JMJD1C: variants seen among roughly 807,000 people sequenced by gnomAD.
JMJD1C encodes jumonji domain-containing protein 1C.
JMJD1C carries 31 observed loss-of-function variants against 245.3 expected under a neutral mutation model. The ratio of observed to expected loss-of-function variants is 0.13; its 90% CI spans 0.09 to 0.17. The LOEUF (loss-of-function observed/expected upper bound fraction) is 0.17. Ranked by LOEUF, JMJD1C falls within the 10% of genes least tolerant of loss-of-function variation. The probability of loss-of-function intolerance (pLI) is 1.00; values close to 1 mark genes in which losing one functional copy is unlikely to be tolerated. For synonymous variants in JMJD1C, 1,057 were observed against 1,017.4 expected, an observed-to-expected ratio of 1.04 and a Z score of -0.74; for missense variants, 2,691 against 3,000.2, an observed-to-expected ratio of 0.90 and a Z score of 2.41.
At chr10:63,294,685 T>C (rs1488501153) in intron 2 of JMJD1C, among the ~76,000 whole-genome samples, 6 of 152,216 alleles carry the variant, frequency 3.9e-5, no homozygotes, top group African/African-American at 1.4e-4. Context: ...TACCCACTGC[T>C]ATCTGTTTGG....
chr10:63,440,123 T>C (rs974733964), intron 1 of JMJD1C, among the ~76,000 whole-genome samples: 1 of 151,952 alleles, frequency 6.6e-6, no homozygotes, highest in Non-Finnish European at 1.5e-5. Context: ...TCACCTGAGG[T>C]GAAGAGTTTG....
In JMJD1C at chr10:63,215,375, G is replaced by A; in HGVS notation, c.903C>T (p.His301=). Reference sequence around the variant, plus strand: ...GGATACTTCTTTGTTGCTGTTGCTGGTGTGTATTCTGTTTTGGTACAGCAG... The same window carrying A: ...GGATACTTCTTTGTTGCTGTTGCTGATGTGTATTCTGTTTTGGTACAGCAG... The part of the protein sequence containing the change: ...SQAAVPKQNT[H]QQQQQRSIRP... The change falls in exon 7 of 26, where the codon CAC becomes CAT. Residue 301 remains histidine, a synonymous_variant. Transcript: ENST00000399262. 2 of 1,613,954 alleles carry A rather than the reference G, an allele frequency of 1.2e-6. No homozygotes were observed. The highest frequency in any genetic ancestry group is 1.7e-6 in the Non-Finnish European group (2 of 1,179,992).
chr10:63,400,866 C>A (rs996946709), intron 1 of JMJD1C, among the ~76,000 whole-genome samples: 12 of 151,842 alleles, frequency 7.9e-5, no homozygotes, highest in African/African-American at 2.9e-4. Flanking sequence ...GCCACCACAT[C>A]CAGCCCTTTT....
intron 2 of JMJD1C, among the ~76,000 whole-genome samples, chr10:63,296,026 T>TTTC (rs1491140598): frequency 2.2e-5 from 3 of 133,416 alleles, no homozygotes; most frequent in African/African-American, 8.3e-5. Flanking sequence ...TTTTTTTTTT[T>TTTC]CTTAGATGGA....
chr10:63,330,466 AT>A lies in JMJD1C; in HGVS notation c.333+49851del, dbSNP rs1257935519. On this transcript the variant is annotated intron_variant, in intron 2 of 25. Coordinates refer to ENST00000399262, the MANE Select transcript of JMJD1C (RefSeq NM_032776.3). The stretch of plus-strand genomic sequence containing the variant: ...TTCTAAAAAAATGAAAGTATTATAT[AT>A]TCATGATTTTAAATTTTATTAGAAT... 9.2e-5 allele frequency among the ~76,000 whole-genome samples: 14 copies of A among 152,298 alleles called. No individual in the cohort carries two copies. In the East Asian group the frequency reaches 2.3e-3, roughly 25 times the overall value.
chr10:63,276,944 G>A (rs763023624), intron 2 of JMJD1C, among the ~76,000 whole-genome samples: 2 of 125,138 alleles, frequency 1.6e-5, no homozygotes, highest in African/African-American at 6.3e-5. Context: ...GAGTGCAGTG[G>A]CAAGATCTCG....
At chr10:63,361,326 G>C (rs1172846926) in intron 2 of JMJD1C, among the ~76,000 whole-genome samples, 1 of 152,142 alleles carries the variant, frequency 6.6e-6, no homozygotes, top group Non-Finnish European at 1.5e-5. Flanking sequence ...GGGAGGCTGA[G>C]GCAGAAGAAT....
rs112658422 is a variant in JMJD1C, at chr10:63,482,457, G to A, written n.113+39281C>T. 7.2e-3 allele frequency among the ~76,000 whole-genome samples: 1,100 copies of A among 152,130 alleles called. 11 individuals carry two copies. Among genetic ancestry groups the A allele is most frequent in the African/African-American group, 0.025 (1,019 of 41,484 alleles). On this transcript the variant is annotated intron_variant and non_coding_transcript_variant, in intron 1 of 3. Coordinates refer to the JMJD1C transcript ENST00000633035. ...TCAAGACCAGCCTGGACAACATGGC[G>A]AAACCTAGTCTGTACTAAAAATACA...
At chr10:63,436,777 G>A (rs1056581518) in intron 1 of JMJD1C, among the ~76,000 whole-genome samples, 1 of 151,836 alleles carries the variant, frequency 6.6e-6, no homozygotes, top group African/African-American at 2.4e-5. Context: ...CTTTACTCAG[G>A]CAATATAAAC....
intron 3 of JMJD1C, among the ~76,000 whole-genome samples, chr10:63,248,031 C>T (rs1163353524): frequency 6.6e-6 from 1 of 152,096 alleles, no homozygotes; most frequent in African/African-American, 2.4e-5. Flanking sequence ...AGTCTGAGAC[C>T]AGCCTGGCCA....
intron 3 of JMJD1C, among the ~76,000 whole-genome samples, chr10:63,246,611 G>C (rs1161622646): frequency 6.6e-6 from 1 of 150,968 alleles, no homozygotes; most frequent in Non-Finnish European, 1.5e-5. Context: ...CAATCAGAAA[G>C]AAAAACAAAT....
chr10:63,385,497 G>GT (rs1790045056), intron 1 of JMJD1C, among the ~76,000 whole-genome samples: 1 of 133,694 alleles, frequency 7.5e-6, no homozygotes, highest in Non-Finnish European at 1.5e-5. Context: ...GAGTATAGTG[G>GT]TAAGATCATA....
At chr10:63,391,067 G>A (rs186452435) in intron 1 of JMJD1C, among the ~76,000 whole-genome samples, 80 of 152,246 alleles carry the variant, frequency 5.3e-4, no homozygotes, top group African/African-American at 1.9e-3. Context: ...CCCTCTTTGA[G>A]AATAATGTGA....
At chr10:63,242,919 T>C (rs1341904839) in intron 3 of JMJD1C, among the ~76,000 whole-genome samples, 1 of 151,746 alleles carries the variant, frequency 6.6e-6, no homozygotes, top group African/African-American at 2.4e-5. Flanking sequence ...CATACCTATT[T>C]TATAGATAAA....
rs1378073182 is a variant in JMJD1C at position 63,521,414 on chromosome 10, G to A, written n.113+324C>T. Reference sequence around the variant, plus strand: ...GCCGCCGCGCGCACACACCGGGCCCGGCTCCTGAGGGCGCCAGCGCGGCCC... The same window carrying A: ...GCCGCCGCGCGCACACACCGGGCCCAGCTCCTGAGGGCGCCAGCGCGGCCC... On this transcript the variant is annotated intron_variant and non_coding_transcript_variant, in intron 1 of 3. Transcript: ENST00000633035. The A allele has an allele frequency of 1.8e-5, 5 of 276,550 alleles. No homozygotes were observed. The South Asian group carries it at 5.3e-4, about 30-fold the overall frequency. 17.1% of individuals were successfully genotyped at this position (276,550 alleles called of 1,614,324 possible).
intron 1 of JMJD1C, among the ~76,000 whole-genome samples, chr10:63,507,922 T>C (rs1954771021): frequency 6.6e-6 from 1 of 152,222 alleles, no homozygotes; most frequent in Non-Finnish European, 1.5e-5. Context: ...TCAGGTTGTT[T>C]ATATTCTTAC....
chr10:63,474,096 AAT>A (rs1336424108), intron 1 of JMJD1C, among the ~76,000 whole-genome samples: 5 of 148,184 alleles, frequency 3.4e-5, no homozygotes, highest in African/African-American at 4.9e-5. Context: ...CACTAAAAAA[AAT>A]AATAATAATA....
chr10:63,421,037 A>G lies in JMJD1C; in HGVS notation c.169-40555T>C, dbSNP rs185142077. On this transcript the variant is annotated intron_variant, in intron 1 of 25. Transcript: ENST00000399262. ...CTGCCGCAGATCTTAGACATTGCTT[A>G]TAAGATGCAAACTCAGGCCAGGTGT... 1.5e-3 allele frequency among the ~76,000 whole-genome samples: 234 copies of G among 152,316 alleles called. 1 individual carries two copies. Among genetic ancestry groups the G allele is most frequent in the Non-Finnish European group, 2.9e-3 (198 of 68,026 alleles).
At chr10:63,370,213 T>C (rs1245112758) in intron 2 of JMJD1C, among the ~76,000 whole-genome samples, 1 of 152,232 alleles carries the variant, frequency 6.6e-6, no homozygotes, top group Non-Finnish European at 1.5e-5. Flanking sequence ...TAGGCATGAA[T>C]GTAACAGCTC....
Sources: gnomAD v4.1 joint callset for allele counts (sites outside exome capture counted in the v4.1 genomes callset) on GRCh38, gnomAD v4.1.1 for gene constraint, MANE v1.5 for transcripts, NCBI Gene and HGNC (gene_info 2026-07-23, HGNC 2026-07-21) for gene names.